CASQ1: variants seen among roughly 807,000 people sequenced by gnomAD.
CASQ1 encodes calsequestrin 1.
A neutral mutation model predicts 49.5 loss-of-function variants in CASQ1; 40 were observed. The observed-to-expected ratio is 0.81, with a 90% CI of 0.63 to 1.05. The LOEUF is 1.05. Among genes scored for constraint, CASQ1 ranks in the 50% least tolerant of loss-of-function variants. The pLI, the probability that CASQ1 is intolerant of heterozygous loss-of-function variation, is 0.00. For missense variants in CASQ1, 469 were observed against 486.9 expected, an observed-to-expected ratio of 0.96 and a Z score of 0.35; for synonymous variants, 174 against 187.2, an observed-to-expected ratio of 0.93 and a Z score of 0.58.
At chr1:160,194,925 C>T (rs991682452) in intron 3 of CASQ1, 87 bp from the exon 4 acceptor site, 5 of 782,362 alleles carry the variant, frequency 6.4e-6, no homozygotes, top group African/African-American at 5.2e-5. Context: ...CCCCCTCCTC[C>T]AGTTCCCCAG....
chr1:160,193,022 G>A (rs1399496758), intron 2 of CASQ1, 136 bp downstream of exon 2: 1 of 701,162 alleles, frequency 1.4e-6, no homozygotes, highest in African/African-American at 1.8e-5. Flanking sequence ...CTAAAAGAGG[G>A]GGTGAGAAAA....
At chr1:160,197,737 AG>A in intron 7 of CASQ1, 123 bp downstream of exon 7, 1 of 722,954 alleles carries the variant, frequency 1.4e-6, no homozygotes, top group Non-Finnish European at 2.5e-6. Context: ...TGCACTGACC[AG>A]CTGGGTGTGG....
At chr1:160,196,182 C>T (rs1293703338) in intron 6 of CASQ1, among the ~76,000 whole-genome samples, 155 bp downstream of exon 6, 1 of 152,120 alleles carries the variant, frequency 6.6e-6, no homozygotes, top group East Asian at 1.9e-4. Flanking sequence ...GATACACTGA[C>T]AATTTTGCAC....
At position 160,201,391 on chromosome 1, in the gene CASQ1, A is replaced by G. The variant is rs1486312393; in HGVS notation, c.*15A>G. ...ATGATGACTAGTTGCTATGGCAACC[A>G]TCTTTCAGCCCCACTGGTCTTTTCA... On this transcript the variant is annotated 3_prime_UTR_variant, in exon 11 of 11. Transcript: ENST00000368078. 6.2e-7 allele frequency: 1 copy of G among 1,613,368 alleles called. No homozygotes were observed. The highest frequency in any genetic ancestry group is 2.2e-5 in the East Asian group (1 of 44,894).
At chr1:160,197,476 G>T in intron 6 of CASQ1, 93 bp from the exon 7 acceptor site, 1 of 885,294 alleles carries the variant, frequency 1.1e-6, no homozygotes, top group Non-Finnish European at 1.9e-6. Context: ...CTGTGCCCTG[G>T]GCCTGACCTA....
intron 10 of CASQ1, 22 bp downstream of exon 10, chr1:160,199,947 C>G (rs763357815): frequency 6.5e-7 from 1 of 1,536,558 alleles, no homozygotes; most frequent in Non-Finnish European, 9.0e-7. Context: ...GTCCTCATCC[C>G]GGGTTGACCC....
chr1:160,194,410 A>C (rs1276991713), intron 3 of CASQ1, among the ~76,000 whole-genome samples: 2 of 147,322 alleles, frequency 1.4e-5, no homozygotes, highest in East Asian at 4.1e-4. Context: ...ACCACACACT[A>C]TGCATATGCA....
rs1463755661 is a variant in CASQ1, at chr1:160,196,024, G to A, written c.779G>A (p.Arg260Lys). The A allele has an allele frequency of 6.2e-7, 1 of 1,613,804 alleles. No individual in the cohort carries two copies. Among genetic ancestry groups the A allele is most frequent in the South Asian group, 1.1e-5 (1 of 91,048 alleles). The change falls in exon 6 of 11, where the codon AGG becomes AAG. Residue 260 changes from arginine to lysine, a missense_variant. Transcript: ENST00000368078. ...EEIVNFVEEH[R>K]RSTLRKLKPE... is the part of the protein sequence containing the mutation. ...ATTGTCAACTTCGTGGAGGAGCACAGGAGGTGGGGACCAAGGGCAACCCTC... is the reference window on the plus strand; with the variant it reads ...ATTGTCAACTTCGTGGAGGAGCACAAGAGGTGGGGACCAAGGGCAACCCTC...
chr1:160,192,962 C>A, intron 2 of CASQ1, 76 bp downstream of exon 2: 1 of 1,164,706 alleles, frequency 8.6e-7, no homozygotes. Context: ...ACCTGTCAGG[C>A]AGTCCTTGGG....
At chr1:160,197,950 C>T (rs976938843) in intron 7 of CASQ1, among the ~76,000 whole-genome samples, 3 of 151,098 alleles carry the variant, frequency 2.0e-5, no homozygotes, top group Non-Finnish European at 3.0e-5. Context: ...ACCCAGGAGG[C>T]GGAGCTTGCA....
intron 1 of CASQ1, among the ~76,000 whole-genome samples, chr1:160,192,058 G>A (rs1462992370): frequency 6.6e-6 from 1 of 152,200 alleles, no homozygotes; most frequent in Admixed American, 6.5e-5. Flanking sequence ...CTGAGTGGGG[G>A]TAGAGCTGCA....
At chr1:160,193,898 C>A in intron 3 of CASQ1, 51 bp downstream of exon 3, 1 of 1,186,650 alleles carries the variant, frequency 8.4e-7, no homozygotes. Context: ...CCACTGCCTG[C>A]CCCCTAGTCC....
intron 2 of CASQ1, among the ~76,000 whole-genome samples, chr1:160,193,481 T>C (rs535130702): frequency 6.6e-6 from 1 of 152,174 alleles, no homozygotes; most frequent in Non-Finnish European, 1.5e-5. Context: ...CTCTATTCCC[T>C]CCCCTCACCC....
Position 160,201,267 on chromosome 1 carries a change from T to C in CASQ1, c.1082T>C (p.Met361Thr), listed in dbSNP as rs767673016. The change falls in exon 11 of 11, where the codon ATG (methionine) becomes ACG (threonine). Residue 361 changes from methionine to threonine, a missense_variant. By Grantham distance (81) the Met-to-Thr change is moderately conservative (BLOSUM62 -1). Coordinates refer to ENST00000368078, the MANE Select transcript of CASQ1 (RefSeq NM_001231.5). ...VTDADSVWMEMDDEEDLPSAE... is the reference protein window; with the variant it reads ...VTDADSVWMETDDEEDLPSAE... ...TAGGCGGATAGCGTATGGATGGAAA[T>C]GGACGATGAGGAGGACCTGCCTTCT... 17 of 1,613,326 alleles carry C rather than the reference T, an allele frequency of 1.1e-5. No individual in the cohort carries two copies. The Admixed American group carries it at 1.8e-4, about 17-fold the overall frequency.
In CASQ1 at chr1:160,192,832, G is replaced by A; in HGVS notation, c.310G>A (p.Val104Ile). The change falls in exon 2 of 11, where the codon GTT becomes ATT. Residue 104 changes from valine (V) to isoleucine (I), a missense_variant. Transcript: ENST00000368078. ...LAAQVLEDKG[V>I]GFGLVDSEKD... ...AGCCCAAGTCCTAGAAGACAAGGGT[G>A]TTGGCTTCGGGCTGGTAGACTCTGA... The A allele has an allele frequency of 2.5e-6, 4 of 1,614,056 alleles. No individual in the cohort carries two copies. Among genetic ancestry groups the A allele is most frequent in the Non-Finnish European group, 3.4e-6 (4 of 1,179,946 alleles).
Position 160,198,668 on chromosome 1 carries a change from C to G in CASQ1, c.829-9C>G, listed in dbSNP as rs1179766789. Reference sequence around the variant, plus strand: ...CCAAAACCCTGTTCTCCTTCTTACCCCCTGACAGGAGGATGATATGGATGG... The same window carrying G: ...CCAAAACCCTGTTCTCCTTCTTACCGCCTGACAGGAGGATGATATGGATGG... On this transcript the variant is annotated splice_polypyrimidine_tract_variant and intron_variant, in intron 7 of 10. Transcript: ENST00000368078. The G allele has an allele frequency of 3.7e-6, 6 of 1,610,754 alleles. No homozygotes were observed. In the Admixed American group the frequency reaches 6.7e-5, roughly 18 times the overall value.
intron 4 of CASQ1, 67 bp downstream of exon 4, chr1:160,195,190 C>T: frequency 2.0e-6 from 2 of 983,120 alleles, no homozygotes; most frequent in Admixed American, 2.0e-5. Flanking sequence ...TCCCACCTCC[C>T]CACATCACCC....
At position 160,201,246 on chromosome 1, in the gene CASQ1, C is replaced by T. The variant is rs147541452; in HGVS notation, c.1061C>T (p.Ala354Val). Residue 354 changes from alanine to valine, a missense_variant and splice_region_variant, in exon 11 of 11, where the codon GCG becomes GTG. Coordinates refer to ENST00000368078, the MANE Select transcript of CASQ1 (RefSeq NM_001231.5). ...PQIGVVNVTDADSVWMEMDDE... is the reference protein window; with the variant it reads ...PQIGVVNVTDVDSVWMEMDDE... ...GTCCCTGCCTGTGCCATCTCCTAGGCGGATAGCGTATGGATGGAAATGGAC... is the reference window on the plus strand; with the variant it reads ...GTCCCTGCCTGTGCCATCTCCTAGGTGGATAGCGTATGGATGGAAATGGAC... 560 of 1,612,142 alleles carry T rather than the reference C, an allele frequency of 3.5e-4. No homozygotes were observed. Among genetic ancestry groups the T allele is most frequent in the Non-Finnish European group, 4.4e-4 (515 of 1,179,346 alleles).
rs1027202944 is a variant in CASQ1, at chr1:160,199,147, C to T, written c.984+94C>T. 16 of 839,030 alleles carry T rather than the reference C, an allele frequency of 1.9e-5. No individual in the cohort carries two copies. The Admixed American group carries it at 2.0e-4, about 10-fold the overall frequency. 52.0% of individuals were successfully genotyped at this position (839,030 alleles called of 1,614,324 possible). A position where few individuals can be genotyped will look rare whatever the true frequency, so the allele number is the denominator to read the frequency against. On this transcript the variant is annotated intron_variant, in intron 9 of 10. Transcript: ENST00000368078. ...GGCTTTGTTTCAGAGGTCCCATCCC[C>T]ACCTCCTAGCTGGGGGGCCCTGGGA...
Sources: allele counts gnomAD v4.1 joint callset (sites outside exome capture counted in the v4.1 genomes callset), GRCh38; gene constraint gnomAD v4.1.1; transcripts MANE v1.5; gene names NCBI Gene and HGNC (gene_info 2026-07-23, HGNC 2026-07-21).